RBFOX1: variants seen among roughly 807,000 people sequenced by gnomAD.
The protein encoded by RBFOX1 is RNA binding fox-1 homolog 1, also known as RNA binding protein fox-1 homolog 1.
RBFOX1 carries 8 observed loss-of-function variants against 57.7 expected under a neutral mutation model. The observed-to-expected ratio is 0.14, with a 90% CI of 0.08 to 0.25. The LOEUF is 0.25. RBFOX1 is among the 10% of genes least tolerant of loss of function. The pLI is 1.00. For missense variants in RBFOX1, 611 were observed against 548.5 expected (o/e 1.11, Z -1.14); for synonymous variants, 326 against 222.4 (o/e 1.47, Z -4.15).
At chr16:7,077,276 C>T (rs79785612) in intron 4 of RBFOX1, among the ~76,000 whole-genome samples, 33 of 152,322 alleles carry the variant, frequency 2.2e-4, no homozygotes, top group African/African-American at 7.7e-4. Flanking sequence ...GTTAGCCCCA[C>T]TGTCTCAAAG....
chr16:5,487,590 A>C (rs966116379), intron 2 of RBFOX1, among the ~76,000 whole-genome samples: 12 of 152,294 alleles, frequency 7.9e-5, no homozygotes, highest in African/African-American at 2.6e-4. Flanking sequence ...AAATCGGGGC[A>C]TTGAGACTTG....
At chr16:6,240,518 C>G (rs149072756) in intron 1 of RBFOX1, among the ~76,000 whole-genome samples, 224 of 152,156 alleles carry the variant, frequency 1.5e-3, no homozygotes, top group African/African-American at 4.8e-3. Context: ...GGTGCAAACT[C>G]ACTCTTTGGC....
chr16:7,204,382 C>T (rs1049341524), intron 4 of RBFOX1, among the ~76,000 whole-genome samples: 2 of 150,954 alleles, frequency 1.3e-5, no homozygotes, highest in Non-Finnish European at 2.9e-5. Context: ...TGGCATATAC[C>T]TGAAATCCCA....
chr16:6,569,364 A>C (rs879920475), intron 2 of RBFOX1, among the ~76,000 whole-genome samples: 1 of 152,192 alleles, frequency 6.6e-6, no homozygotes, highest in Middle Eastern at 3.2e-3. Context: ...GGATTCAGTA[A>C]GTTACTTCAT....
intron 3 of RBFOX1, among the ~76,000 whole-genome samples, chr16:5,821,400 A>T (rs573748389): frequency 2.0e-5 from 3 of 148,668 alleles, no homozygotes; most frequent in Admixed American, 1.4e-4. Flanking sequence ...ACTCCTGGAC[A>T]TGAGCAGTTC....
intron 4 of RBFOX1, among the ~76,000 whole-genome samples, chr16:7,406,883 G>A (rs1396309224): frequency 1.3e-5 from 2 of 152,168 alleles, no homozygotes; most frequent in African/African-American, 2.4e-5. Context: ...GAGGCCACCT[G>A]CTTTCCTTGG....
chr16:7,671,232 G>A (rs2071330103), intron 13 of RBFOX1, among the ~76,000 whole-genome samples: 2 of 152,196 alleles, frequency 1.3e-5, no homozygotes, highest in Admixed American at 6.5e-5. Flanking sequence ...ATGTGAAATA[G>A]TTAATTTGGA....
At chr16:5,908,475 C>G (rs542707685) in intron 4 of RBFOX1, among the ~76,000 whole-genome samples, 4 of 151,862 alleles carry the variant, frequency 2.6e-5, no homozygotes, top group Non-Finnish European at 5.9e-5. Flanking sequence ...GCCTCAGCTT[C>G]CCAAGTAGCA....
chr16:7,126,089 C>T (rs921187577), intron 4 of RBFOX1, among the ~76,000 whole-genome samples: 16 of 152,030 alleles, frequency 1.1e-4, no homozygotes, highest in African/African-American at 3.9e-4. Context: ...TCTCCCCCCA[C>T]CAAAAGAATA....
chr16:7,300,604 CTT>C (rs1395036936), intron 4 of RBFOX1, among the ~76,000 whole-genome samples: 2 of 95,230 alleles, frequency 2.1e-5, no homozygotes, highest in Non-Finnish European at 4.3e-5. Context: ...TATGGCAACT[CTT>C]ATAGAAAGTA....
At chr16:5,391,244 C>G (rs557764037) in intron 1 of RBFOX1, among the ~76,000 whole-genome samples, 7 of 152,208 alleles carry the variant, frequency 4.6e-5, no homozygotes, top group Non-Finnish European at 8.8e-5. Context: ...CACATTTATT[C>G]TCTTATAGTA....
chr16:6,495,406 C>G (rs1023493637), intron 2 of RBFOX1, among the ~76,000 whole-genome samples: 1 of 141,052 alleles, frequency 7.1e-6, no homozygotes, highest in African/African-American at 2.6e-5. Context: ...GCTAATATTA[C>G]AGGCTTGAGC....
intron 4 of RBFOX1, among the ~76,000 whole-genome samples, chr16:7,191,475 G>A (rs890921435): frequency 6.6e-6 from 1 of 152,130 alleles, no homozygotes; most frequent in African/African-American, 2.4e-5. Flanking sequence ...ACAGTGGAAT[G>A]TAAAGATGAA....
chr16:5,804,474 G>C (rs1333569069), intron 3 of RBFOX1, among the ~76,000 whole-genome samples: 1 of 152,194 alleles, frequency 6.6e-6, no homozygotes, highest in Non-Finnish European at 1.5e-5. Context: ...TTTGAGGATG[G>C]CTTTGTAGGG....
At chr16:5,642,346 C>A (rs189646751) in intron 3 of RBFOX1, among the ~76,000 whole-genome samples, 14 of 152,154 alleles carry the variant, frequency 9.2e-5, no homozygotes, top group Non-Finnish European at 2.1e-4. Flanking sequence ...GCAATCCATG[C>A]GAGATCAAAA....
chr16:5,528,038 T>C (rs775994736), intron 2 of RBFOX1, among the ~76,000 whole-genome samples: 5 of 152,138 alleles, frequency 3.3e-5, no homozygotes, highest in Non-Finnish European at 7.4e-5. Context: ...CACTAATGGG[T>C]GCTCAACATT....
At chr16:6,853,075 C>A (rs1456823167) in intron 3 of RBFOX1, among the ~76,000 whole-genome samples, 1 of 152,140 alleles carries the variant, frequency 6.6e-6, no homozygotes, top group Non-Finnish European at 1.5e-5. Context: ...TCTGGTGTTA[C>A]CCTTCACACA....
chr16:6,328,860 G>T (rs2082678783), intron 2 of RBFOX1, among the ~76,000 whole-genome samples: 2 of 152,108 alleles, frequency 1.3e-5, no homozygotes, highest in African/African-American at 4.8e-5. Flanking sequence ...CTGCTCTGCT[G>T]AGTTAAAGAA....
intron 4 of RBFOX1, among the ~76,000 whole-genome samples, chr16:7,142,577 T>C (rs1398766524): frequency 1.3e-5 from 2 of 152,196 alleles, no homozygotes; most frequent in African/African-American, 4.8e-5. Context: ...TGTGCCTCAA[T>C]ATTATTTTCT....
Sources: allele counts gnomAD v4.1 joint callset (sites outside exome capture counted in the v4.1 genomes callset), GRCh38; gene constraint gnomAD v4.1.1; transcripts MANE v1.5; gene names NCBI Gene and HGNC (gene_info 2026-07-23, HGNC 2026-07-21).